The following DCC variants were observed in gnomAD, a reference collection of about 807,000 sequenced individuals.
The protein encoded by DCC is netrin receptor DCC.
Under a neutral mutation model 172.5 loss-of-function variants are expected in DCC, and 58 were observed. The ratio of observed to expected loss-of-function variants is 0.34; its 90% CI spans 0.27 to 0.42. The LOEUF (loss-of-function observed/expected upper bound fraction) is 0.42, where lower values mean the gene tolerates loss of function less well. DCC is among the 10% of genes least tolerant of loss of function. The pLI is 1.00. For missense variants in DCC, 1,740 were observed against 1,791.0 expected (o/e 0.97, Z 0.51); for synonymous variants, 709 against 644.5 (o/e 1.10, Z -1.52).
chr18:52,774,705 T>C (rs2037398595), intron 2 of DCC, among the ~76,000 whole-genome samples: 1 of 152,060 alleles, frequency 6.6e-6, no homozygotes, highest in South Asian at 2.1e-4. Context: ...GGTTACTGCC[T>C]GTTTTCTCCA....
chr18:53,513,393 A>T (rs2046285078), intron 27 of DCC, among the ~76,000 whole-genome samples: 1 of 152,228 alleles, frequency 6.6e-6, no homozygotes, highest in Non-Finnish European at 1.5e-5. Context: ...GACTAGGAAG[A>T]AACTGCATCA....
intron 1 of DCC, among the ~76,000 whole-genome samples, chr18:52,693,030 C>T (rs1054327198): frequency 6.6e-6 from 1 of 152,070 alleles, no homozygotes; most frequent in Non-Finnish European, 1.5e-5. Flanking sequence ...TTCCCTCTCT[C>T]CTCAACCTGC....
At chr18:52,708,891 A>G (rs1166695895) in intron 1 of DCC, among the ~76,000 whole-genome samples, 1 of 152,144 alleles carries the variant, frequency 6.6e-6, no homozygotes, top group Non-Finnish European at 1.5e-5. Flanking sequence ...CTGGCCTGGG[A>G]GCTCTTTCTG....
chr18:53,213,434 G>A (rs2055789214), intron 11 of DCC, among the ~76,000 whole-genome samples: 1 of 151,862 alleles, frequency 6.6e-6, no homozygotes, highest in Admixed American at 6.6e-5. Context: ...TGGATCACGA[G>A]GTCAGGAGTT....
chr18:52,720,644 A>T (rs1418746789), intron 1 of DCC, among the ~76,000 whole-genome samples: 2 of 152,140 alleles, frequency 1.3e-5, no homozygotes, highest in African/African-American at 2.4e-5. Context: ...TCTAGGGAGG[A>T]TCTAGACTTT....
intron 1 of DCC, among the ~76,000 whole-genome samples, chr18:52,595,541 C>T (rs528554866): frequency 1.1e-4 from 17 of 152,298 alleles, no homozygotes; most frequent in African/African-American, 3.6e-4. Context: ...ATTCTTCCCT[C>T]ATTCAAATCC....
chr18:52,447,980 C>T (rs1330939158), intron 1 of DCC, among the ~76,000 whole-genome samples: 2 of 152,132 alleles, frequency 1.3e-5, no homozygotes, highest in East Asian at 3.9e-4. Context: ...CAAGCCATAT[C>T]AGGAGAGTAT....
At chr18:52,715,450 C>T (rs775992325) in intron 1 of DCC, among the ~76,000 whole-genome samples, 4 of 151,890 alleles carry the variant, frequency 2.6e-5, no homozygotes, top group African/African-American at 7.3e-5. Context: ...CAGGCACCTG[C>T]CACCACACCC....
chr18:52,362,290 G>C (rs1040127873), intron 1 of DCC, among the ~76,000 whole-genome samples: 1 of 152,192 alleles, frequency 6.6e-6, no homozygotes, highest in African/African-American at 2.4e-5. Context: ...CACAGATCCA[G>C]ATTTGACGGT....
chr18:53,314,957 A>G (rs1261276818), intron 13 of DCC, among the ~76,000 whole-genome samples: 1 of 152,042 alleles, frequency 6.6e-6, no homozygotes, highest in Non-Finnish European at 1.5e-5. Flanking sequence ...TGGCCTCTAA[A>G]CTGCTTTCTT....
intron 21 of DCC, among the ~76,000 whole-genome samples, chr18:53,428,484 T>C (rs1326304368): frequency 3.2e-5 from 1 of 31,180 alleles, no homozygotes; most frequent in African/African-American, 7.7e-5. Flanking sequence ...ATAATATATA[T>C]TTTTTATATA....
intron 1 of DCC, among the ~76,000 whole-genome samples, chr18:52,646,505 C>A (rs905080253): frequency 6.6e-6 from 1 of 152,190 alleles, no homozygotes; most frequent in East Asian, 1.9e-4. Flanking sequence ...ACTTCAGATG[C>A]TAAGTCCAGG....
intron 1 of DCC, among the ~76,000 whole-genome samples, chr18:52,386,740 T>C: frequency 6.6e-6 from 1 of 152,048 alleles, no homozygotes; most frequent in Admixed American, 6.5e-5. Flanking sequence ...TTGTTGGGAA[T>C]TTAATTGCTG....
intron 1 of DCC, among the ~76,000 whole-genome samples, chr18:52,718,944 C>T (rs2036431663): frequency 6.6e-6 from 1 of 152,194 alleles, no homozygotes; most frequent in Non-Finnish European, 1.5e-5. Context: ...TCTCTCACAG[C>T]TGTGGAGACC....
chr18:52,764,577 C>G (rs1380675307), intron 2 of DCC, among the ~76,000 whole-genome samples: 1 of 152,206 alleles, frequency 6.6e-6, no homozygotes, highest in African/African-American at 2.4e-5. Context: ...TGTTTCCTCT[C>G]TTATCATGTG....
chr18:53,407,663 T>A (rs138596666), intron 19 of DCC, among the ~76,000 whole-genome samples: 368 of 150,460 alleles, frequency 2.4e-3, no homozygotes, highest in African/African-American at 8.6e-3. Context: ...ATCTTAGATA[T>A]ATTACATAGT....
intron 12 of DCC, among the ~76,000 whole-genome samples, chr18:53,269,466 C>A (rs1452624346): frequency 6.6e-6 from 1 of 152,100 alleles, no homozygotes; most frequent in African/African-American, 2.4e-5. Context: ...CCATATCAAC[C>A]TAGATCTTAA....
chr18:52,962,289 G>T (rs1426728843), intron 5 of DCC, among the ~76,000 whole-genome samples: 2 of 151,884 alleles, frequency 1.3e-5, no homozygotes, highest in African/African-American at 2.4e-5. Flanking sequence ...CAAAAAGTGG[G>T]CAAAGGATAT....
chr18:53,383,649 G>C (rs1420205789), intron 15 of DCC, among the ~76,000 whole-genome samples: 4 of 151,108 alleles, frequency 2.6e-5, no homozygotes, highest in African/African-American at 9.8e-5. Flanking sequence ...TGTGTATTAG[G>C]GATGGTTATT....
Sources: allele counts gnomAD v4.1 joint callset (sites outside exome capture counted in the v4.1 genomes callset), GRCh38; gene constraint gnomAD v4.1.1; transcripts MANE v1.5; gene names NCBI Gene and HGNC (gene_info 2026-07-23, HGNC 2026-07-21).